The following SEMA4F variants were observed in gnomAD, a reference collection of about 807,000 sequenced individuals.
SEMA4F encodes ssemaphorin 4F.
A neutral mutation model predicts 78.4 loss-of-function variants in SEMA4F; 51 were observed. The observed-to-expected ratio is 0.65, with a 90% CI of 0.52 to 0.82. SEMA4F has a LOEUF of 0.82. SEMA4F is among the 40% of genes least tolerant of loss of function. The pLI is 0.00. For synonymous variants in SEMA4F, 418 were observed against 408.7 expected, an observed-to-expected ratio of 1.02 and a Z score of -0.27; for missense variants, 938 against 1,014.4, an observed-to-expected ratio of 0.92 and a Z score of 1.02.
rs142985408 is a variant in SEMA4F, at chr2:74,656,829, G to A, written c.297+144G>A. ...AGGGGGTGAGTTGGGAGACATGGGG[G>A]GAGATCATCCACTTTGTTTTCTTAG... is the stretch of plus-strand genomic sequence containing the variant. On this transcript the variant is annotated intron_variant, in intron 2 of 13. Coordinates refer to ENST00000357877, the MANE Select transcript of SEMA4F (RefSeq NM_004263.5). 1.6e-4 allele frequency: 135 copies of A among 823,450 alleles called. 1 individual carries two copies. In the African/African-American group the frequency reaches 2.2e-3, roughly 13 times the overall value. The allele number at this position is 823,450 out of a possible 1,614,324, so 51.0% of individuals were successfully genotyped here.
In SEMA4F at chr2:74,673,966, C is replaced by G. The variant is rs1234571430; in HGVS notation, c.822+138C>G. On this transcript the variant is annotated intron_variant, in intron 7 of 13. Transcript: ENST00000357877. ...TCTGCCTTGACTTCTCTTCTGGGAG[C>G]TTGAGGAATGTGAGAGAGAGGCTCT... 2.9e-6 allele frequency: 3 copies of G among 1,051,142 alleles called. No homozygotes were observed. The East Asian group carries it at 7.1e-5, about 25-fold the overall frequency. 65.1% of individuals were successfully genotyped at this position (1,051,142 alleles called of 1,614,324 possible).
At position 74,675,060 on chromosome 2, in the gene SEMA4F, G is replaced by A. The variant is rs1573258408; in HGVS notation, c.1149+25G>A. 4.3e-6 allele frequency: 7 copies of A among 1,613,854 alleles called. No individual in the cohort carries two copies. In the East Asian group the frequency reaches 1.6e-4, roughly 36 times the overall value. ...GGTGAGGGGGCAGATCTTCATTCTA[G>A]GCCTGAAGTCAAGAGCTGCTATTAA... On this transcript the variant is annotated intron_variant, in intron 9 of 13. Transcript: ENST00000357877.
intron 5 of SEMA4F, among the ~76,000 whole-genome samples, 172 bp downstream of exon 5, chr2:74,662,997 A>G (rs973082110): frequency 4.0e-5 from 6 of 151,882 alleles, no homozygotes; most frequent in Admixed American, 3.9e-4. Flanking sequence ...GCTTTTCCCC[A>G]CCTAGTATGA....
chr2:74,673,960 T>C, intron 7 of SEMA4F, 132 bp downstream of exon 7: 4 of 1,112,128 alleles, frequency 3.6e-6, no homozygotes, highest in Non-Finnish European at 3.8e-6. Flanking sequence ...ACTTCTCTTC[T>C]GGGAGCTTGA....
chr2:74,695,278 G>A, the SEMA4F span, among the ~76,000 whole-genome samples: 1 of 152,136 alleles, frequency 6.6e-6, no homozygotes, highest in Non-Finnish European at 1.5e-5. Context: ...TCTTATACTC[G>A]TAGAGCTCCT....
downstream of SEMA4F, among the ~76,000 whole-genome samples, chr2:74,686,619 G>C (rs1685828287): frequency 6.6e-6 from 1 of 152,160 alleles, no homozygotes; most frequent in Admixed American, 6.5e-5. Context: ...CAAAGACTTG[G>C]AACCAACCCA....
chr2:74,656,558 T>G lies in SEMA4F; in HGVS notation c.170T>G (p.Phe57Cys), dbSNP rs1422428076. Residue 57 changes from phenylalanine (F) to cysteine (C), a missense_variant, in exon 2 of 14, where the codon TTC (phenylalanine) becomes TGC (cysteine). Physicochemically the swap from Phe to Cys is radical, Grantham distance 205 (BLOSUM62 -2). Coordinates refer to ENST00000357877, the MANE Select transcript of SEMA4F (RefSeq NM_004263.5). ...GAGGCTGACTCCTGTCTCACCCGGT[T>G]CGCAGTCCCTCACACATACAATTAC... Reference protein sequence around the residue: ...ISEADSCLTRFAVPHTYNYSV... With the variant: ...ISEADSCLTRCAVPHTYNYSV... 6.2e-7 allele frequency: 1 copy of G among 1,613,990 alleles called. No individual in the cohort carries two copies. The highest frequency in any genetic ancestry group is 1.3e-5 in the African/African-American group (1 of 74,922).
chr2:74,701,581 C>CG, the SEMA4F span, among the ~76,000 whole-genome samples: 1 of 152,122 alleles, frequency 6.6e-6, no homozygotes, highest in African/African-American at 2.4e-5. Context: ...CGCCATGCTC[C>CG]GTGAGTCCCT....
At chr2:74,692,714 T>C in the SEMA4F span, among the ~76,000 whole-genome samples, 6 of 152,112 alleles carry the variant, frequency 3.9e-5, no homozygotes, top group Non-Finnish European at 8.8e-5. Flanking sequence ...GTAAGCTTTT[T>C]TGGAGCCCAC....
rs1046298 is a variant in SEMA4F, at chr2:74,675,864, G to A, written c.1598G>A (p.Ser533Asn). 5 of 1,614,096 alleles carry A rather than the reference G, an allele frequency of 3.1e-6. No homozygotes were observed. The African/African-American group carries it at 4.0e-5, about 13-fold the overall frequency. Residue 533 changes from serine (S) to asparagine (N), a missense_variant, in exon 12 of 14, where the codon AGC becomes AAC. Coordinates refer to ENST00000357877, the MANE Select transcript of SEMA4F (RefSeq NM_004263.5). ...GCCCAGGACCCAGTCTGTGCCTGGA[G>A]CTTCCGGCTGGATGAGTGTGTGGCC... ...ILAQDPVCAWSFRLDECVAHA... is the reference protein window; with the variant it reads ...ILAQDPVCAWNFRLDECVAHA...
chr2:74,673,594 G>A lies in SEMA4F; in HGVS notation c.670+18G>A. ...GCTGAACGGTGGGGAGAGGGAGAGG[G>A]GTCCTCTGGGGAGACCGATGGGGTG... On this transcript the variant is annotated intron_variant, in intron 6 of 13. Coordinates refer to ENST00000357877, the MANE Select transcript of SEMA4F (RefSeq NM_004263.5). 6.2e-7 allele frequency: 1 copy of A among 1,614,012 alleles called. No homozygotes were observed. Among genetic ancestry groups the A allele is most frequent in the South Asian group, 1.1e-5 (1 of 91,066 alleles).
chr2:74,679,794 G>A lies in SEMA4F; in HGVS notation c.1898G>A (p.Gly633Asp). ...MGAYACECQEGGAAHVVAAYS... is the reference protein window; with the variant it reads ...MGAYACECQEDGAAHVVAAYS... ...GCTTATGCCTGTGAATGTCAGGAGG[G>A]TGGGGCAGCCCATGTGGTAGCAGCT... Residue 633 changes from glycine (G) to aspartate (D), a missense_variant, in exon 14 of 14, where the codon GGT (glycine) becomes GAT (aspartate). Gly to Asp is a moderately conservative substitution (Grantham distance 94). Transcript: ENST00000357877. The A allele has an allele frequency of 1.2e-6, 2 of 1,614,236 alleles. No homozygotes were observed. The highest frequency in any genetic ancestry group is 1.7e-6 in the Non-Finnish European group (2 of 1,180,046).
chr2:74,658,058 G>T lies in SEMA4F; in HGVS notation c.456+107G>T. 3 of 985,294 alleles carry T rather than the reference G, an allele frequency of 3.0e-6. No homozygotes were observed. Among genetic ancestry groups the T allele is most frequent in the Non-Finnish European group, 4.8e-6 (3 of 623,710 alleles). The allele number at this position is 985,294 out of a possible 1,614,324, so 61.0% of individuals were successfully genotyped here. A position where few individuals can be genotyped will look rare whatever the true frequency, so the allele number is the denominator to read the frequency against. Reference sequence around the variant, plus strand: ...GGTTTTCTGTGAGCGACCATGATGGGGGCATGGTCAAGGCAACCATTGTGC... The same window carrying T: ...GGTTTTCTGTGAGCGACCATGATGGTGGCATGGTCAAGGCAACCATTGTGC... On this transcript the variant is annotated intron_variant, in intron 4 of 13. Coordinates refer to ENST00000357877, the MANE Select transcript of SEMA4F (RefSeq NM_004263.5). This position sits in a 1 kb window ranked among gnomAD's most constrained non-coding sequence, Gnocchi z 4.3.
intron 5 of SEMA4F, among the ~76,000 whole-genome samples, chr2:74,667,798 T>G (rs1319601132): frequency 2.6e-5 from 4 of 152,198 alleles, no homozygotes; most frequent in Admixed American, 1.3e-4. Context: ...TTCCTTAGGC[T>G]TCTACCTAAG....
At chr2:74,665,379 G>T (rs1452236656) in intron 5 of SEMA4F, among the ~76,000 whole-genome samples, 2 of 151,730 alleles carry the variant, frequency 1.3e-5, no homozygotes, top group African/African-American at 4.8e-5. Flanking sequence ...ACAGGCGCGT[G>T]TCACCATGCC....
chr2:74,699,383 T>C, the SEMA4F span, among the ~76,000 whole-genome samples: 3 of 152,202 alleles, frequency 2.0e-5, no homozygotes, highest in African/African-American at 7.2e-5. Flanking sequence ...GTGGATCAGA[T>C]ACCTCCTAGG....
chr2:74,675,962 C>A (rs1573261233), intron 12 of SEMA4F, 53 bp downstream of exon 12: 1 of 1,544,528 alleles, frequency 6.5e-7, no homozygotes, highest in East Asian at 2.3e-5. Flanking sequence ...TCTGTCCCAT[C>A]CATATGTCTA....
chr2:74,697,180 A>G, the SEMA4F span, among the ~76,000 whole-genome samples: 5 of 152,224 alleles, frequency 3.3e-5, no homozygotes, highest in Non-Finnish European at 7.4e-5. Flanking sequence ...CCCAGGTTAT[A>G]GTCTTCTTGG....
At position 74,675,463 on chromosome 2, in the gene SEMA4F, G is replaced by A. The variant is rs363641; in HGVS notation, c.1373-62G>A. 12,230 of 1,592,308 alleles carry A rather than the reference G, an allele frequency of 7.7e-3. 852 individuals are homozygous for A. The African/African-American group carries it at 0.15, about 19-fold the overall frequency. On this transcript the variant is annotated intron_variant, in intron 10 of 13. Transcript: ENST00000357877. Reference sequence around the variant, plus strand: ...CAGAGAGGGTACTGTAATACATATAGGTCTGAGTCCCAGGCACAGGGGCAA... The same window carrying A: ...CAGAGAGGGTACTGTAATACATATAAGTCTGAGTCCCAGGCACAGGGGCAA...
Sources: allele counts gnomAD v4.1 joint callset (sites outside exome capture counted in the v4.1 genomes callset), GRCh38; gene constraint gnomAD v4.1.1; non-coding constraint Gnocchi (gnomAD v3.1); transcripts MANE v1.5; gene names NCBI Gene and HGNC (gene_info 2026-07-23, HGNC 2026-07-21).